MRTFA: variants seen among roughly 807,000 people sequenced by gnomAD.
MRTFA encodes the protein myocardin related transcription factor A.
MRTFA carries 20 observed loss-of-function variants against 83.5 expected under a neutral mutation model. The observed-to-expected ratio is 0.24, with a 90% CI of 0.17 to 0.35. The LOEUF (loss-of-function observed/expected upper bound fraction) is 0.35, where lower values mean the gene tolerates loss of function less well. Among genes scored for constraint, MRTFA ranks in the 10% least tolerant of loss-of-function variants. The pLI, the probability that MRTFA is intolerant of heterozygous loss-of-function variation, is 1.00. For missense variants in MRTFA, 1,200 were observed against 1,224.7 expected (o/e 0.98, Z 0.30); for synonymous variants, 659 against 541.2 (o/e 1.22, Z -3.02).
chr22:40,432,340 G>T (rs1050339185), intron 5 of MRTFA, among the ~76,000 whole-genome samples: 2 of 152,042 alleles, frequency 1.3e-5, no homozygotes, highest in Admixed American at 6.5e-5. Context: ...CATTTTGAAT[G>T]GCTGCCAAAT....
At chr22:40,431,020 A>G (rs2147093661) in intron 6 of MRTFA, among the ~76,000 whole-genome samples, 1 of 152,332 alleles carries the variant, frequency 6.6e-6, no homozygotes, top group Middle Eastern at 3.4e-3. Context: ...ATGAATGAAT[A>G]TAAAAAACTA....
At chr22:40,613,698 A>G (rs1204433207) in intron 1 of MRTFA, among the ~76,000 whole-genome samples, 1 of 152,032 alleles carries the variant, frequency 6.6e-6, no homozygotes, top group African/African-American at 2.4e-5. Context: ...TCTAGAAAAA[A>G]AAAAATTTTT....
chr22:40,573,921 A>T (rs904918164), intron 2 of MRTFA, among the ~76,000 whole-genome samples: 2 of 151,380 alleles, frequency 1.3e-5, no homozygotes, highest in African/African-American at 2.4e-5. Context: ...GGATATTTTT[A>T]TTTTTTTTAT....
intron 3 of MRTFA, among the ~76,000 whole-genome samples, chr22:40,498,269 ATATATTTTTTTTTTTTT>A (rs1378074558): frequency 1.1e-5 from 1 of 88,384 alleles, no homozygotes; most frequent in African/African-American, 5.1e-5. Context: ...ATATATATAT[ATATATTTTTTTTTTTTT>A]TTTTTTTTTT....
intron 2 of MRTFA, among the ~76,000 whole-genome samples, chr22:40,560,185 T>A (rs905451578): frequency 2.6e-5 from 4 of 152,224 alleles, no homozygotes; most frequent in African/African-American, 9.6e-5. Context: ...TTGATAATGT[T>A]GAAGCTGGTT....
intron 3 of MRTFA, among the ~76,000 whole-genome samples, chr22:40,505,106 T>A (rs1023731408): frequency 2.6e-5 from 4 of 152,220 alleles, no homozygotes; most frequent in Non-Finnish European, 5.9e-5. Context: ...ACTCACAGCA[T>A]CTAGTCCACT....
At chr22:40,604,919 T>C (rs1346859223) in intron 1 of MRTFA, among the ~76,000 whole-genome samples, 1 of 152,168 alleles carries the variant, frequency 6.6e-6, no homozygotes, top group Admixed American at 6.5e-5. Context: ...GAGGCAAGTA[T>C]GTGGTGCCAT....
At chr22:40,609,165 C>G (rs986317350) in intron 1 of MRTFA, among the ~76,000 whole-genome samples, 2 of 151,874 alleles carry the variant, frequency 1.3e-5, no homozygotes, top group African/African-American at 4.8e-5. Flanking sequence ...GTGGTGCACA[C>G]CTGTAGTCCC....
At chr22:40,570,665 G>C (rs1221598489) in intron 2 of MRTFA, among the ~76,000 whole-genome samples, 1 of 149,578 alleles carries the variant, frequency 6.7e-6, no homozygotes, top group Non-Finnish European at 1.5e-5. Context: ...ATGTATATGA[G>C]ATGGTTGGAG....
intron 3 of MRTFA, among the ~76,000 whole-genome samples, chr22:40,499,806 C>A (rs73167098): frequency 0.13 from 19,128 of 151,488 alleles, 1,394 homozygotes; most frequent in East Asian, 0.25. Flanking sequence ...GATTTTACTT[C>A]AACTTTCACC....
chr22:40,547,141 T>A (rs1398739124), intron 3 of MRTFA, among the ~76,000 whole-genome samples: 1 of 151,352 alleles, frequency 6.6e-6, no homozygotes, highest in Non-Finnish European at 1.5e-5. Context: ...GGCGACAGAG[T>A]GAGACTCCAT....
intron 8 of MRTFA, among the ~76,000 whole-genome samples, chr22:40,423,991 G>A (rs749934785): frequency 6.6e-5 from 10 of 152,172 alleles, no homozygotes; most frequent in African/African-American, 1.9e-4. Context: ...GGCCAGCGTC[G>A]TCCTCCACCT....
intron 2 of MRTFA, among the ~76,000 whole-genome samples, chr22:40,569,021 G>A (rs952913852): frequency 3.9e-5 from 6 of 152,110 alleles, no homozygotes; most frequent in African/African-American, 1.5e-4. Flanking sequence ...TAACTCAGAT[G>A]TCGCATATAA....
chr22:40,475,144 T>C (rs1407977237), intron 3 of MRTFA, among the ~76,000 whole-genome samples: 3 of 152,006 alleles, frequency 2.0e-5, no homozygotes, highest in African/African-American at 7.2e-5. Flanking sequence ...CAGCCAACAT[T>C]GTAATTATTC....
intron 4 of MRTFA, among the ~76,000 whole-genome samples, chr22:40,455,092 G>C (rs1402681381): frequency 2.0e-5 from 3 of 152,134 alleles, no homozygotes; most frequent in Non-Finnish European, 4.4e-5. Context: ...GAGCCACTGT[G>C]CCTGGCCTAA....
At position 40,603,901 on chromosome 22, in the gene MRTFA, C is replaced by A. The variant is rs1423355845; in HGVS notation, c.-83-9166G>T. ...GTGCTGGGATTATAGGCATAAGCCA[C>A]GGCACCCAGCCCCTGAATACTGTTG... On this transcript the variant is annotated intron_variant, in intron 1 of 14. Transcript: ENST00000355630. Among the ~76,000 whole-genome samples, 5 of 151,872 alleles carry A rather than the reference C, an allele frequency of 3.3e-5. 1 individual carries two copies. The East Asian group carries it at 5.8e-4, about 18-fold the overall frequency.
At chr22:40,431,598 A>T in intron 5 of MRTFA, 118 bp from the exon 6 acceptor site, 1 of 917,724 alleles carries the variant, frequency 1.1e-6, no homozygotes, top group Admixed American at 1.8e-5. Context: ...AGTTCCCACA[A>T]CCTTAACTTG....
At chr22:40,431,601 T>C in intron 5 of MRTFA, 121 bp from the exon 6 acceptor site, 1 of 902,072 alleles carries the variant, frequency 1.1e-6, no homozygotes, top group Non-Finnish European at 1.8e-6. Flanking sequence ...TCCCACAACC[T>C]TAACTTGGTG....
At position 40,542,644 on chromosome 22, in the gene MRTFA, A is replaced by T. The variant is rs1448353967; in HGVS notation, c.241+9462T>A. On this transcript the variant is annotated intron_variant, in intron 3 of 14. Transcript: ENST00000355630. ...ATAATCTGAAATGCAAAAAAATTTTAAAAGATATTTATCCAAATATTAATG... is the reference window on the plus strand; with the variant it reads ...ATAATCTGAAATGCAAAAAAATTTTTAAAGATATTTATCCAAATATTAATG... Among the ~76,000 whole-genome samples the T allele has an allele frequency of 7.9e-5, 12 of 152,352 alleles. No individual in the cohort carries two copies. In the East Asian group the frequency reaches 1.9e-3, roughly 24 times the overall value.
Sources: allele counts gnomAD v4.1 joint callset (sites outside exome capture counted in the v4.1 genomes callset), GRCh38; gene constraint gnomAD v4.1.1; transcripts MANE v1.5; gene names NCBI Gene and HGNC (gene_info 2026-07-23, HGNC 2026-07-21).